Variants in PCDHGB4 observed in about 807,000 individuals in gnomAD.
The protein encoded by PCDHGB4 is protocadherin gamma subfamily B, 4.
A neutral mutation model predicts 60.5 loss-of-function variants in PCDHGB4; 38 were observed. The ratio of observed to expected loss-of-function variants is 0.63; its 90% CI spans 0.48 to 0.82. The LOEUF (loss-of-function observed/expected upper bound fraction) is 0.82, where lower values mean the gene tolerates loss of function less well. Ranked by LOEUF, PCDHGB4 falls within the 40% of genes least tolerant of loss-of-function variation. The pLI is 0.00. For missense variants in PCDHGB4, 1,109 were observed against 1,209.6 expected (o/e 0.92, Z 1.23); for synonymous variants, 456 against 509.7 (o/e 0.89, Z 1.42).
intron 2 of PCDHGB4, among the ~76,000 whole-genome samples, chr5:141,501,110 G>A (rs1373404247): frequency 2.6e-5 from 4 of 151,908 alleles, no homozygotes; most frequent in Admixed American, 6.6e-5. Flanking sequence ...CTCGTGATCC[G>A]CCTGCCTCAG....
intron 1 of PCDHGB4, chr5:141,400,723 C>A (rs1317017521): frequency 6.1e-6 from 4 of 660,798 alleles, no homozygotes; most frequent in Non-Finnish European, 7.7e-6. Flanking sequence ...TATAGATTTA[C>A]AAAGTAGTGA....
chr5:141,418,313 A>G (rs750036471), intron 1 of PCDHGB4: 2 of 1,614,038 alleles, frequency 1.2e-6, no homozygotes, highest in Middle Eastern at 1.6e-4. Context: ...GGGGATGGGA[A>G]CAATTCTTGA....
At position 141,410,538 on chromosome 5, in the gene PCDHGB4, T is replaced by C. The variant is rs373020361; in HGVS notation, c.2397+20257T>C. The C allele has an allele frequency of 5.6e-6, 9 of 1,613,830 alleles. No homozygotes were observed. The South Asian group carries it at 7.7e-5, about 14-fold the overall frequency. On this transcript the variant is annotated intron_variant, in intron 1 of 3. Transcript: ENST00000519479. ...GTGCCCCTACATTCCAATGAAGACA[T>C]GGTTTGCAGTGTTTCTCCTGGAGCC...
chr5:141,466,812 G>T (rs1394979761), intron 1 of PCDHGB4, among the ~76,000 whole-genome samples: 1 of 151,940 alleles, frequency 6.6e-6, no homozygotes, highest in African/African-American at 2.4e-5. Flanking sequence ...ATTCAGACAT[G>T]GTATAACAAG....
intron 1 of PCDHGB4, chr5:141,426,597 T>C (rs2096946172): frequency 2.6e-6 from 1 of 377,476 alleles, no homozygotes. Context: ...TGTCATACCC[T>C]TAGAGATTGT....
intron 1 of PCDHGB4, among the ~76,000 whole-genome samples, chr5:141,438,635 TAC>T (rs56854727): frequency 0.14 from 4,591 of 32,686 alleles, 460 homozygotes; most frequent in Middle Eastern, 0.21. Flanking sequence ...TATATATATA[TAC>T]ACACACACAC....
In PCDHGB4 at chr5:141,486,872, C is replaced by T. The variant is rs1320632059; in HGVS notation, c.2398-7935C>T. On this transcript the variant is annotated intron_variant, in intron 1 of 3. Transcript: ENST00000519479. The surrounding 1 kb of genome is among the most constrained non-coding windows in gnomAD (Gnocchi z 5.0). ...CAATGACAATGCTCCAGCTGTGCTC[C>T]GTCCTCGGGCCCGGCCTGGTTCCTT... The T allele has an allele frequency of 3.7e-6, 6 of 1,614,232 alleles. No individual in the cohort carries two copies. Among genetic ancestry groups the T allele is most frequent in the African/African-American group, 1.3e-5 (1 of 75,070 alleles).
chr5:141,429,858 A>T (rs1183727412), intron 1 of PCDHGB4, among the ~76,000 whole-genome samples: 1 of 152,192 alleles, frequency 6.6e-6, no homozygotes, highest in East Asian at 1.9e-4. Context: ...CATTCTTTGG[A>T]CTACCAATTT....
chr5:141,484,236 G>C (rs1272971014), intron 1 of PCDHGB4, among the ~76,000 whole-genome samples: 2 of 152,132 alleles, frequency 1.3e-5, no homozygotes, highest in Non-Finnish European at 2.9e-5. Context: ...AAGAGATCTG[G>C]TCCTTAGCAC....
chr5:141,467,287 A>C (rs2099140956), intron 1 of PCDHGB4, among the ~76,000 whole-genome samples: 1 of 152,082 alleles, frequency 6.6e-6, no homozygotes, highest in Admixed American at 6.6e-5. Flanking sequence ...TCTTGACCTC[A>C]AGTGATCCAC....
intron 1 of PCDHGB4, among the ~76,000 whole-genome samples, chr5:141,472,026 G>C (rs2099269805): frequency 6.6e-6 from 1 of 152,108 alleles, no homozygotes; most frequent in Non-Finnish European, 1.5e-5. Context: ...ATTGTATGTA[G>C]AAAGCTGTGA....
At position 141,389,200 on chromosome 5, in the gene PCDHGB4, A is replaced by C; in HGVS notation, c.1316A>C (p.His439Pro). The C allele has an allele frequency of 6.2e-7, 1 of 1,614,034 alleles. No individual in the cohort carries two copies. The highest frequency in any genetic ancestry group is 8.5e-7 in the Non-Finnish European group (1 of 1,179,876). Residue 439 changes from histidine to proline, a missense_variant, in exon 1 of 4, where the codon CAC becomes CCC. By Grantham distance (77) the His-to-Pro change is moderately conservative. This residue lies in a region of PCDHGB4 where 1,068 missense variants were observed against 1,089.9 expected (regional missense o/e 0.98). Transcript: ENST00000519479. Reference protein sequence around the residue: ...PLSSSSSITLHIGDVNDNAPV... With the variant: ...PLSSSSSITLPIGDVNDNAPV... ...TCCTCCAGTTCCAGCATCACCCTGC[A>C]CATTGGTGATGTAAATGACAACGCT...
At chr5:141,401,113 G>A (rs2094114942) in intron 1 of PCDHGB4, among the ~76,000 whole-genome samples, 1 of 152,192 alleles carries the variant, frequency 6.6e-6, no homozygotes, top group Non-Finnish European at 1.5e-5. Flanking sequence ...GGAGGCCGAG[G>A]CGGTTGGATC....
At chr5:141,418,769 C>A (rs1488222030) in intron 1 of PCDHGB4, 2 of 1,613,828 alleles carry the variant, frequency 1.2e-6, no homozygotes, top group East Asian at 4.5e-5. Flanking sequence ...CATTCTAACT[C>A]AGCAGCCTTT....
chr5:141,489,287 T>C lies in PCDHGB4; in HGVS notation c.2398-5520T>C. 1 of 1,573,410 alleles carries C rather than the reference T, an allele frequency of 6.4e-7. No individual in the cohort carries two copies. Among genetic ancestry groups the C allele is most frequent in the Non-Finnish European group, 8.6e-7 (1 of 1,159,858 alleles). ...CAGCTCGCTGGGAAATGGCAAGTGC[T>C]GTGCATGTTGTCCTTGTGCTGCTGG... On this transcript the variant is annotated intron_variant, in intron 1 of 3. Transcript: ENST00000519479. The surrounding 1 kb of genome is among the most constrained non-coding windows in gnomAD (Gnocchi z 4.5).
At chr5:141,418,823 A>G (rs985060966) in intron 1 of PCDHGB4, 7 of 1,613,868 alleles carry the variant, frequency 4.3e-6, no homozygotes, top group Admixed American at 3.3e-5. Context: ...CATAGAAGCA[A>G]AAGACCGAGG....
At chr5:141,414,313 T>C in intron 1 of PCDHGB4, 1 of 1,613,748 alleles carries the variant, frequency 6.2e-7, no homozygotes, top group Non-Finnish European at 8.5e-7. Context: ...TGATTTAGAC[T>C]CTGAGCAGAA....
Position 141,426,411 on chromosome 5 carries a change from C to A in PCDHGB4, c.2397+36130C>A, listed in dbSNP as rs1561821998. 10 of 286,096 alleles carry A rather than the reference C, an allele frequency of 3.5e-5. No homozygotes were observed. In the South Asian group the frequency reaches 3.7e-4, roughly 11 times the overall value. The allele number at this position is 286,096 out of a possible 1,614,324, so 17.7% of individuals were successfully genotyped here. On this transcript the variant is annotated intron_variant, in intron 1 of 3. Coordinates refer to ENST00000519479, the MANE Select transcript of PCDHGB4 (RefSeq NM_003736.4). ...GCTACTCTATTCCAGAAGAAACGGT[C>A]CAGGGCTCCGTGGTGGGGAACCTTG... is the stretch of plus-strand genomic sequence containing the variant.
intron 1 of PCDHGB4, among the ~76,000 whole-genome samples, chr5:141,463,024 A>G (rs2099051235): frequency 6.6e-6 from 1 of 152,070 alleles, no homozygotes; most frequent in South Asian, 2.1e-4. Context: ...GACTTTTTTG[A>G]TTAATCTGAG....
Sources: gnomAD v4.1 joint callset for allele counts (sites outside exome capture counted in the v4.1 genomes callset) on GRCh38, gnomAD v4.1.1 for gene constraint, gnomAD v4.1.1 regional missense constraint, Gnocchi (gnomAD v3.1) non-coding constraint, MANE v1.5 for transcripts, NCBI Gene and HGNC (gene_info 2026-07-23, HGNC 2026-07-21) for gene names.